Variants in ZP3 observed in about 807,000 individuals in gnomAD.
ZP3 encodes the protein zona pellucida glycoprotein 3.
Under a neutral mutation model 35.6 loss-of-function variants are expected in ZP3, and 21 were observed. The observed-to-expected ratio is 0.59, with a 90% CI of 0.42 to 0.85. ZP3 has a LOEUF of 0.85. Among genes scored for constraint, ZP3 ranks in the 40% least tolerant of loss-of-function variants. The pLI, the probability that ZP3 is intolerant of heterozygous loss-of-function variation, is 0.00. For missense variants in ZP3, 437 were observed against 536.5 expected (o/e 0.81, Z 1.83); for synonymous variants, 207 against 214.5 (o/e 0.96, Z 0.31).
In ZP3 at chr7:76,425,537, C is replaced by T. The variant is rs139293544; in HGVS notation, c.312+261C>T. On this transcript the variant is annotated intron_variant, in intron 1 of 7. Transcript: ENST00000394857. ...TCAGGCTGGCCCAAGCCACGCCACT[C>T]TCTCTCAGGTGGGTTTGTGACACAC... Among the ~76,000 whole-genome samples, 606 of 152,142 alleles carry T rather than the reference C, an allele frequency of 4.0e-3. 2 individuals carry two copies. Among genetic ancestry groups the T allele is most frequent in the Non-Finnish European group, 7.1e-3 (483 of 68,000 alleles).
chr7:76,419,267 C>T (rs1225387269), intron 1 of ZP3, among the ~76,000 whole-genome samples: 1 of 152,200 alleles, frequency 6.6e-6, no homozygotes, highest in Non-Finnish European at 1.5e-5. Context: ...TATTTTCCAG[C>T]TCACTCTGCC....
intron 1 of ZP3, among the ~76,000 whole-genome samples, chr7:76,413,766 A>G (rs1438847589): frequency 6.6e-6 from 1 of 151,768 alleles, no homozygotes; most frequent in African/African-American, 2.4e-5. Context: ...TCTGAGGTTG[A>G]AGTAATCCTC....
chr7:76,416,881 C>CAT (rs200829945), intron 1 of ZP3, among the ~76,000 whole-genome samples: 19 of 134,954 alleles, frequency 1.4e-4, no homozygotes, highest in African/African-American at 5.2e-4. Context: ...TATATACACA[C>CAT]ATACATATAT....
chr7:76,401,446 C>T (rs1804826299), intron 1 of ZP3, among the ~76,000 whole-genome samples: 1 of 152,078 alleles, frequency 6.6e-6, no homozygotes, highest in Non-Finnish European at 1.5e-5. Context: ...GACAAAGTCT[C>T]ACTCTTGTCA....
intron 5 of ZP3, among the ~76,000 whole-genome samples, chr7:76,438,592 A>C (rs1806100863): frequency 6.8e-6 from 1 of 147,098 alleles, no homozygotes; most frequent in East Asian, 2.0e-4. Flanking sequence ...GTAGTTGACT[A>C]TTCCCTGGGT....
At position 76,441,907 on chromosome 7, in the gene ZP3, G is replaced by A; in HGVS notation, c.1126G>A (p.Val376Ile). ...IFLDRRGDHE[V>I]EQWALPSDTS... ...CCTGGACAGGAGGGGTGACCATGAAGTAGAGCAGTGGGCTTTGCCTTCTGA... is the reference window on the plus strand; with the variant it reads ...CCTGGACAGGAGGGGTGACCATGAAATAGAGCAGTGGGCTTTGCCTTCTGA... The change falls in exon 8 of 8, where the codon GTA (valine) becomes ATA (isoleucine). Residue 376 changes from valine (V) to isoleucine (I), a missense_variant. Val to Ile is a conservative substitution (Grantham distance 29). Transcript: ENST00000394857. The A allele has an allele frequency of 2.5e-6, 4 of 1,607,130 alleles. No individual in the cohort carries two copies. Among genetic ancestry groups the A allele is most frequent in the Admixed American group, 1.7e-5 (1 of 59,594 alleles).
upstream of ZP3, among the ~76,000 whole-genome samples, chr7:76,422,873 C>T (rs929185738): frequency 4.0e-5 from 6 of 149,814 alleles, no homozygotes; most frequent in South Asian, 8.5e-4. Context: ...TGACGGGTGC[C>T]TGTAATCCCA....
chr7:76,405,681 G>A (rs962943732), intron 1 of ZP3, among the ~76,000 whole-genome samples: 9 of 152,000 alleles, frequency 5.9e-5, no homozygotes, highest in Non-Finnish European at 1.0e-4. Context: ...GGAGACGACG[G>A]CAGAGGCAAA....
chr7:76,438,549 A>AAAAAAAG (rs1806098416), intron 5 of ZP3, among the ~76,000 whole-genome samples: 1 of 149,522 alleles, frequency 6.7e-6, no homozygotes, highest in Admixed American at 6.6e-5. Flanking sequence ...AAAAAAAAAA[A>AAAAAAAG]AAAAAAAAGG....
intron 5 of ZP3, among the ~76,000 whole-genome samples, chr7:76,436,324 G>A (rs1391304666): frequency 6.6e-6 from 1 of 152,054 alleles, no homozygotes; most frequent in Non-Finnish European, 1.5e-5. Flanking sequence ...TGGGATTACA[G>A]GCGTGAGCCA....
chr7:76,416,925 C>CAT (rs1563692883), intron 1 of ZP3, among the ~76,000 whole-genome samples: 54 of 128,802 alleles, frequency 4.2e-4, no homozygotes, highest in African/African-American at 1.5e-3. Context: ...CATATATATA[C>CAT]ACATACATAT....
chr7:76,435,807 C>A (rs4727154), intron 5 of ZP3, among the ~76,000 whole-genome samples: 26,252 of 149,496 alleles, frequency 0.18, 620 homozygotes, highest in South Asian at 0.24. Context: ...TGGCTCACTG[C>A]AACCTCTGCC....
At chr7:76,432,832 C>T (rs1323125766) in intron 2 of ZP3, 95 bp from the exon 3 acceptor site, 1 of 1,054,500 alleles carries the variant, frequency 9.5e-7, no homozygotes, top group Admixed American at 2.1e-5. Flanking sequence ...AGCTGAGGAC[C>T]CTGTAGTGGG....
At position 76,439,721 on chromosome 7, in the gene ZP3, C is replaced by T. The variant is rs142289766; in HGVS notation, c.832-529C>T. On this transcript the variant is annotated intron_variant, in intron 5 of 7. Coordinates refer to ENST00000394857, the MANE Select transcript of ZP3 (RefSeq NM_001110354.2). ...TCTCAGAAGCCCAGGGTCAAGCATG[C>T]TCAATGATTGGGTAAGTTTGGAAAA... Among the ~76,000 whole-genome samples the T allele has an allele frequency of 1.8e-4, 27 of 151,718 alleles. 1 individual carries two copies. Among genetic ancestry groups the T allele is most frequent in the Middle Eastern group, 3.4e-3 (1 of 292 alleles).
chr7:76,432,906 C>A, intron 2 of ZP3, 21 bp from the exon 3 acceptor site: 1 of 1,610,300 alleles, frequency 6.2e-7, no homozygotes, highest in Non-Finnish European at 8.5e-7. Context: ...CAGGTGTGCA[C>A]AGCTGCTGTT....
upstream of ZP3, among the ~76,000 whole-genome samples, chr7:76,420,931 C>G (rs62476850): frequency 4.4e-5 from 6 of 137,504 alleles, no homozygotes; most frequent in African/African-American, 1.4e-4. Flanking sequence ...GTGTGTGTGT[C>G]TCCACTTTTT....
intron 1 of ZP3, 45 bp downstream of exon 1, chr7:76,425,321 G>C (rs751631640): frequency 6.4e-7 from 1 of 1,561,316 alleles, no homozygotes; most frequent in South Asian, 1.2e-5. Flanking sequence ...GGATGTTCGA[G>C]GCAGCCGGGT....
chr7:76,422,140 G>A (rs1469397648), upstream of ZP3, among the ~76,000 whole-genome samples: 1 of 151,562 alleles, frequency 6.6e-6, no homozygotes, highest in Admixed American at 6.6e-5. Flanking sequence ...CAGGTGATCC[G>A]CCCACCTCGG....
rs118087867 is a variant in ZP3 at position 76,438,074 on chromosome 7, T to C, written c.832-2176T>C. Reference sequence around the variant, plus strand: ...TGGCCACTAGGTGGTGACTGAGGCTTGTGGCTCTGAGGCTTCTGCTGGAAG... The same window carrying C: ...TGGCCACTAGGTGGTGACTGAGGCTCGTGGCTCTGAGGCTTCTGCTGGAAG... On this transcript the variant is annotated intron_variant, in intron 5 of 7. Coordinates refer to ENST00000394857, the MANE Select transcript of ZP3 (RefSeq NM_001110354.2). 0.012 allele frequency among the ~76,000 whole-genome samples: 1,855 copies of C among 152,284 alleles called. 81 individuals are homozygous for C. The East Asian group carries it at 0.13, about 10-fold the overall frequency.
Sources: gnomAD v4.1 joint callset for allele counts (sites outside exome capture counted in the v4.1 genomes callset) on GRCh38, gnomAD v4.1.1 for gene constraint, MANE v1.5 for transcripts, NCBI Gene and HGNC (gene_info 2026-07-23, HGNC 2026-07-21) for gene names.